Variants in EPCIP observed in about 807,000 individuals in gnomAD.
EPCIP encodes the protein exosomal polycystin-1-interacting protein.
the EPCIP span, among the ~76,000 whole-genome samples, chr21:32,799,662 C>T: frequency 9.2e-5 from 14 of 152,324 alleles, no homozygotes; most frequent in African/African-American, 3.1e-4. Flanking sequence ...AAAATCACAG[C>T]CAGGCATGGT....
chr21:32,810,689 G>A, the EPCIP span: 127 of 471,256 alleles, frequency 2.7e-4, no homozygotes, highest in African/African-American at 2.4e-3. Flanking sequence ...TGCTGATGGT[G>A]AACTGAGATA....
the EPCIP span, chr21:32,810,791 A>C: frequency 2.5e-6 from 1 of 402,810 alleles, no homozygotes; most frequent in Non-Finnish European, 5.1e-6. Flanking sequence ...CCAACTTAAC[A>C]TGCCAAATAC....
At chr21:32,797,927 A>G in the EPCIP span, 2 of 152,180 alleles carry the variant, frequency 1.3e-5, no homozygotes, top group African/African-American at 2.4e-5. Flanking sequence ...CTTTGTTCCC[A>G]GATAAGATCA....
the EPCIP span, chr21:32,793,740 G>A: frequency 1.9e-6 from 3 of 1,610,782 alleles, no homozygotes; most frequent in African/African-American, 4.0e-5. Flanking sequence ...AAAGTTCCAG[G>A]CAGCTGGACA....
the EPCIP span, chr21:32,790,765 C>T: frequency 6.6e-6 from 1 of 152,234 alleles, no homozygotes; most frequent in Admixed American, 6.5e-5. Context: ...TGTTGGAGAG[C>T]TGCTGGTTAA....
At chr21:32,800,525 G>A in the EPCIP span, among the ~76,000 whole-genome samples, 3 of 152,160 alleles carry the variant, frequency 2.0e-5, no homozygotes, top group Non-Finnish European at 4.4e-5. Context: ...TATTTAATAA[G>A]TAAGCACATA....
At chr21:32,811,071 T>G in the EPCIP span, among the ~76,000 whole-genome samples, 1 of 152,146 alleles carries the variant, frequency 6.6e-6, no homozygotes, top group African/African-American at 2.4e-5. Context: ...CTGTTAAGTG[T>G]TTCACGTGTT....
At chr21:32,812,259 C>G in the EPCIP span, among the ~76,000 whole-genome samples, 1 of 152,176 alleles carries the variant, frequency 6.6e-6, no homozygotes, top group Non-Finnish European at 1.5e-5. Flanking sequence ...GGTAGACACT[C>G]AGTTAATTGC....
At chr21:32,810,411 A>G in the EPCIP span, among the ~76,000 whole-genome samples, 1 of 131,464 alleles carries the variant, frequency 7.6e-6, no homozygotes, top group African/African-American at 2.9e-5. Flanking sequence ...GCCCACCACC[A>G]TGCCCGGTAA....
chr21:32,800,739 CCAGGAGGCAGAGGTTG>C, the EPCIP span, among the ~76,000 whole-genome samples: 2 of 151,986 alleles, frequency 1.3e-5, no homozygotes, highest in African/African-American at 4.8e-5. Context: ...TCGCTTGAAC[CCAGGAGGCAGAGGTTG>C]CAGTGAGCTG....
the EPCIP span, among the ~76,000 whole-genome samples, chr21:32,807,162 C>A: frequency 1.1e-4 from 17 of 152,172 alleles, no homozygotes; most frequent in African/African-American, 3.6e-4. Flanking sequence ...CACAGCCAAA[C>A]CATATCAGGG....
chr21:32,804,279 A>ATG, the EPCIP span, among the ~76,000 whole-genome samples: 1 of 148,018 alleles, frequency 6.8e-6, no homozygotes, highest in Non-Finnish European at 1.5e-5. Context: ...ATGTGATTAT[A>ATG]TATATATATA....
At chr21:32,794,101 G>T in the EPCIP span, 103 of 1,614,086 alleles carry the variant, frequency 6.4e-5, no homozygotes, top group Non-Finnish European at 8.5e-5. Context: ...TGTTGGTGCT[G>T]CACAGGGAAA....
the EPCIP span, among the ~76,000 whole-genome samples, chr21:32,805,430 T>G: frequency 1.3e-5 from 2 of 152,138 alleles, no homozygotes; most frequent in African/African-American, 2.4e-5. Flanking sequence ...GGCACGATCT[T>G]GGCTCACTGC....
At chr21:32,803,256 G>A in the EPCIP span, among the ~76,000 whole-genome samples, 39 of 152,306 alleles carry the variant, frequency 2.6e-4, no homozygotes, top group South Asian at 1.9e-3. Flanking sequence ...AATTTAAACT[G>A]ACACATTCTT....
the EPCIP span, among the ~76,000 whole-genome samples, chr21:32,803,592 C>G: frequency 6.6e-6 from 1 of 152,086 alleles, no homozygotes; most frequent in African/African-American, 2.4e-5. Context: ...TGGCTTTGTT[C>G]CACGAATGCA....
At chr21:32,797,571 G>C in the EPCIP span, 1 of 153,248 alleles carries the variant, frequency 6.5e-6, no homozygotes, top group African/African-American at 2.4e-5. Flanking sequence ...ATTAGTTCAA[G>C]GTTCTCTTTC....
At chr21:32,792,549 G>A in the EPCIP span, among the ~76,000 whole-genome samples, 1 of 152,280 alleles carries the variant, frequency 6.6e-6, no homozygotes, top group East Asian at 1.9e-4. Flanking sequence ...GGAGAAAGAA[G>A]ATGAAAATGA....
At chr21:32,797,024 G>C in the EPCIP span, 1 of 470,964 alleles carries the variant, frequency 2.1e-6, no homozygotes, top group South Asian at 1.5e-5. Flanking sequence ...TGTGGGACAA[G>C]AAGTTCCCAG....
Sources: allele counts gnomAD v4.1 joint callset (sites outside exome capture counted in the v4.1 genomes callset), GRCh38; gene constraint gnomAD v4.1.1; transcripts MANE v1.5; gene names NCBI Gene and HGNC (gene_info 2026-07-23, HGNC 2026-07-21).